Variants in TMEM132D observed in about 807,000 individuals in gnomAD.
TMEM132D encodes the protein transmembrane protein 132D, also known as mature OL transmembrane protein.
In TMEM132D, 21 loss-of-function variants were observed where a neutral mutation model predicts 62.3. The observed-to-expected ratio is 0.34, with a 90% CI of 0.24 to 0.49. The LOEUF (loss-of-function observed/expected upper bound fraction) is 0.49, where lower values mean the gene tolerates loss of function less well. Among genes scored for constraint, TMEM132D ranks in the 20% least tolerant of loss-of-function variants. The pLI, the probability that TMEM132D is intolerant of heterozygous loss-of-function variation, is 0.99. For missense variants in TMEM132D, 1,346 were observed against 1,402.8 expected (o/e 0.96, Z 0.65); for synonymous variants, 621 against 575.6 (o/e 1.08, Z -1.13).
At chr12:129,593,709 C>T (rs1186765838) in intron 2 of TMEM132D, among the ~76,000 whole-genome samples, 1 of 152,164 alleles carries the variant, frequency 6.6e-6, no homozygotes, top group African/African-American at 2.4e-5. Context: ...CTCAGTATTG[C>T]AGACTAAAAT....
intron 5 of TMEM132D, among the ~76,000 whole-genome samples, chr12:129,163,603 G>A (rs958452004): frequency 2.0e-5 from 3 of 152,184 alleles, no homozygotes; most frequent in Non-Finnish European, 4.4e-5. Context: ...ATTCTTCATG[G>A]ACAAAGCTTC....
At chr12:129,319,207 C>T (rs1385494426) in intron 4 of TMEM132D, among the ~76,000 whole-genome samples, 1 of 152,180 alleles carries the variant, frequency 6.6e-6, no homozygotes, top group East Asian at 1.9e-4. Context: ...CTCTGGCCAC[C>T]CTCCCCATAG....
intron 3 of TMEM132D, among the ~76,000 whole-genome samples, chr12:129,410,923 T>C (rs562455224): frequency 2.6e-4 from 39 of 152,326 alleles, no homozygotes; most frequent in African/African-American, 9.1e-4. Context: ...GTTGGACATT[T>C]AAGGGTATTT....
intron 1 of TMEM132D, among the ~76,000 whole-genome samples, chr12:129,726,396 T>C (rs1869038618): frequency 1.3e-5 from 2 of 151,616 alleles, no homozygotes; most frequent in African/African-American, 4.9e-5. Context: ...AGGAGGTGCA[T>C]TTGGATTGGG....
chr12:129,755,765 G>A (rs1464962811), intron 1 of TMEM132D, among the ~76,000 whole-genome samples: 1 of 152,152 alleles, frequency 6.6e-6, no homozygotes, highest in African/African-American at 2.4e-5. Flanking sequence ...AAGCAGATGA[G>A]GAAATCTCTC....
intron 3 of TMEM132D, among the ~76,000 whole-genome samples, chr12:129,344,125 C>T (rs375874749): frequency 7.2e-5 from 11 of 152,148 alleles, no homozygotes; most frequent in Non-Finnish European, 1.5e-4. Flanking sequence ...GCTGTCCTTT[C>T]GCCACTTTAC....
intron 2 of TMEM132D, among the ~76,000 whole-genome samples, chr12:129,672,389 G>A (rs1003630892): frequency 6.6e-6 from 1 of 152,198 alleles, no homozygotes; most frequent in African/African-American, 2.4e-5. Flanking sequence ...CCTTTCCCAC[G>A]GAAGGCTCCC....
chr12:129,712,112 T>G (rs1231007270), intron 1 of TMEM132D, among the ~76,000 whole-genome samples: 2 of 152,078 alleles, frequency 1.3e-5, no homozygotes, highest in African/African-American at 2.4e-5. Flanking sequence ...CTTTATTATT[T>G]TATTATCATT....
intron 2 of TMEM132D, among the ~76,000 whole-genome samples, chr12:129,604,885 C>T (rs570468707): frequency 6.6e-6 from 1 of 152,126 alleles, no homozygotes; most frequent in African/African-American, 2.4e-5. Flanking sequence ...CAAATGCATA[C>T]CTTACTAAGA....
At chr12:129,710,845 T>G (rs577684480) in intron 1 of TMEM132D, among the ~76,000 whole-genome samples, 1 of 148,482 alleles carries the variant, frequency 6.7e-6, no homozygotes, top group African/African-American at 2.6e-5. Flanking sequence ...GTGTTCAGCC[T>G]TAGTGCGCAC....
chr12:129,217,145 G>A (rs1879228320), intron 4 of TMEM132D, among the ~76,000 whole-genome samples: 1 of 152,084 alleles, frequency 6.6e-6, no homozygotes, highest in South Asian at 2.1e-4. Context: ...AGTGTAATGT[G>A]AGCTGCATCA....
intron 3 of TMEM132D, among the ~76,000 whole-genome samples, chr12:129,357,427 C>T (rs143623127): frequency 1.1e-3 from 137 of 120,482 alleles, no homozygotes; most frequent in East Asian, 1.4e-3. Flanking sequence ...GAAAGAAAGA[C>T]GGAAGGAAAG....
intron 5 of TMEM132D, among the ~76,000 whole-genome samples, chr12:129,125,981 A>G (rs1225366199): frequency 1.3e-5 from 2 of 152,162 alleles, no homozygotes; most frequent in African/African-American, 4.8e-5. Flanking sequence ...TATATAGCAC[A>G]TGGTCAGGCT....
At chr12:129,261,545 C>G (rs59527833) in intron 4 of TMEM132D, among the ~76,000 whole-genome samples, 3,018 of 152,236 alleles carry the variant, frequency 0.02, 108 homozygotes, top group African/African-American at 0.069. Flanking sequence ...TGAGTCTTGG[C>G]CATTTCTTTA....
intron 4 of TMEM132D, among the ~76,000 whole-genome samples, chr12:129,251,819 G>A (rs1880274620): frequency 6.6e-6 from 1 of 152,126 alleles, no homozygotes; most frequent in Admixed American, 6.5e-5. Context: ...TCTACTCCAT[G>A]TTCTTTTTCT....
chr12:129,370,145 A>C (rs1870549505), intron 3 of TMEM132D, among the ~76,000 whole-genome samples: 1 of 152,218 alleles, frequency 6.6e-6, no homozygotes, highest in African/African-American at 2.4e-5. Flanking sequence ...TTGATTTTTA[A>C]ACACTGTTCA....
chr12:129,117,040 C>T (rs1875915369), intron 5 of TMEM132D, among the ~76,000 whole-genome samples: 1 of 150,456 alleles, frequency 6.6e-6, no homozygotes, highest in African/African-American at 2.5e-5. Context: ...GATAAATAAA[C>T]CGTGGTGTGC....
At chr12:129,453,382 C>G (rs959868766) in intron 3 of TMEM132D, among the ~76,000 whole-genome samples, 7 of 152,212 alleles carry the variant, frequency 4.6e-5, no homozygotes, top group African/African-American at 1.7e-4. Context: ...CCCATCCTTT[C>G]TAAATCCAAA....
At chr12:129,821,533 C>T (rs1370237311) in intron 1 of TMEM132D, among the ~76,000 whole-genome samples, 4 of 152,154 alleles carry the variant, frequency 2.6e-5, no homozygotes, top group Admixed American at 6.5e-5. Context: ...AAGGAAGCCA[C>T]GTAAGGATTT....
Sources: allele counts gnomAD v4.1 joint callset (sites outside exome capture counted in the v4.1 genomes callset), GRCh38; gene constraint gnomAD v4.1.1; transcripts MANE v1.5; gene names NCBI Gene and HGNC (gene_info 2026-07-23, HGNC 2026-07-21).